SRRM4: variants seen among roughly 807,000 people sequenced by gnomAD.
SRRM4 encodes the protein serine/arginine repetitive matrix protein 4.
SRRM4 carries 33 observed loss-of-function variants against 68.9 expected under a neutral mutation model. That is an observed-to-expected ratio of 0.48 (90% confidence interval 0.36 to 0.64). SRRM4 has a LOEUF of 0.64. SRRM4 is among the 30% of genes least tolerant of loss of function. The pLI is 0.00. For missense variants in SRRM4, 817 were observed against 827.1 expected, an observed-to-expected ratio of 0.99 and a Z score of 0.15; for synonymous variants, 318 against 318.8, an observed-to-expected ratio of 1.00 and a Z score of 0.03.
At chr12:119,152,940 G>C (rs1023366109) in intron 10 of SRRM4, among the ~76,000 whole-genome samples, 1 of 152,166 alleles carries the variant, frequency 6.6e-6, no homozygotes, top group Admixed American at 6.5e-5. Context: ...ATTTGGCTTA[G>C]AGGCAAACAG....
intron 1 of SRRM4, among the ~76,000 whole-genome samples, chr12:119,063,548 C>T (rs996370654): frequency 6.3e-4 from 96 of 152,146 alleles, no homozygotes; most frequent in African/African-American, 1.9e-3. Context: ...ACATCAATTA[C>T]GTCCACACTT....
chr12:119,090,430 T>C (rs1954007921), intron 1 of SRRM4, among the ~76,000 whole-genome samples: 1 of 152,022 alleles, frequency 6.6e-6, no homozygotes, highest in Non-Finnish European at 1.5e-5. Flanking sequence ...CTCAGCCTGA[T>C]CCTAAGGGGA....
intron 7 of SRRM4, among the ~76,000 whole-genome samples, chr12:119,127,949 G>C (rs1954271657): frequency 6.6e-6 from 1 of 152,064 alleles, no homozygotes; most frequent in South Asian, 2.1e-4. Flanking sequence ...TCAATCACTT[G>C]GGAAGTTTTA....
At chr12:119,125,040 A>G (rs1954247737) in intron 6 of SRRM4, among the ~76,000 whole-genome samples, 1 of 152,054 alleles carries the variant, frequency 6.6e-6, no homozygotes, top group Non-Finnish European at 1.5e-5. Context: ...AAGCTCTGTG[A>G]CGTTGAGGCG....
chr12:119,048,199 G>GATA (rs1186040443), intron 1 of SRRM4, among the ~76,000 whole-genome samples: 3 of 152,198 alleles, frequency 2.0e-5, no homozygotes, highest in Admixed American at 1.3e-4. Context: ...ATCTCAGGGT[G>GATA]ATAATGCAGC....
At chr12:118,988,070 A>G (rs1261301864) in intron 1 of SRRM4, among the ~76,000 whole-genome samples, 1 of 152,118 alleles carries the variant, frequency 6.6e-6, no homozygotes, top group Non-Finnish European at 1.5e-5. Context: ...TTGAAACTGT[A>G]AAACATATTA....
rs535139926 is a variant in SRRM4, at chr12:119,047,929, C to T, written c.132-54307C>T. On this transcript the variant is annotated intron_variant, in intron 1 of 12. Coordinates refer to ENST00000267260, the MANE Select transcript of SRRM4 (RefSeq NM_194286.4). ...GAAGACACATGACAAGGAAGCAGAA[C>T]AGAGAACCATAATGCAACCTGCTAC... Among the ~76,000 whole-genome samples, 5 of 152,320 alleles carry T rather than the reference C, an allele frequency of 3.3e-5. No homozygotes were observed. In the South Asian group the frequency reaches 8.3e-4, roughly 25 times the overall value.
intron 8 of SRRM4, among the ~76,000 whole-genome samples, chr12:119,141,072 G>T (rs1214615213): frequency 6.6e-6 from 1 of 152,192 alleles, no homozygotes; most frequent in African/African-American, 2.4e-5. Context: ...CTCCCAACTA[G>T]CTAGGACTAC....
At chr12:119,058,410 G>T (rs1953790281) in intron 1 of SRRM4, among the ~76,000 whole-genome samples, 1 of 152,184 alleles carries the variant, frequency 6.6e-6, no homozygotes, top group Admixed American at 6.5e-5. Context: ...TATTCCCTGA[G>T]ACTGATGGGA....
chr12:119,029,992 G>A (rs1741175431), intron 1 of SRRM4, among the ~76,000 whole-genome samples: 1 of 152,162 alleles, frequency 6.6e-6, no homozygotes. Context: ...TGGAGTCTGA[G>A]AGAGAAAATC....
rs529536256 is a variant in SRRM4 at position 119,074,780 on chromosome 12, A to G, written c.132-27456A>G. ...ATAGAAGCCACTTGTCTAGGGGCTT[A>G]GGAGATTATTTAAAAGCCCTATGCA... On this transcript the variant is annotated intron_variant, in intron 1 of 12. Transcript: ENST00000267260. Among the ~76,000 whole-genome samples, 4 of 152,344 alleles carry G rather than the reference A, an allele frequency of 2.6e-5. No individual in the cohort carries two copies. The South Asian group carries it at 6.2e-4, about 24-fold the overall frequency.
chr12:119,082,714 T>A (rs1282292007), intron 1 of SRRM4, among the ~76,000 whole-genome samples: 1 of 152,176 alleles, frequency 6.6e-6, no homozygotes, highest in Non-Finnish European at 1.5e-5. Context: ...GGGAAGCAGT[T>A]CTGGCAGAGT....
chr12:119,002,801 G>A (rs1336305935), intron 1 of SRRM4, among the ~76,000 whole-genome samples: 4 of 152,000 alleles, frequency 2.6e-5, no homozygotes, highest in Admixed American at 2.0e-4. Context: ...TAAGTATGAG[G>A]AGAGTGACTT....
At chr12:119,037,489 A>T (rs527635319) in intron 1 of SRRM4, among the ~76,000 whole-genome samples, 1 of 152,286 alleles carries the variant, frequency 6.6e-6, no homozygotes, top group East Asian at 1.9e-4. Context: ...ATCACATTAT[A>T]GTCTGGATGA....
chr12:119,078,300 G>C (rs1323695644), intron 1 of SRRM4, among the ~76,000 whole-genome samples: 1 of 152,112 alleles, frequency 6.6e-6, no homozygotes, highest in Non-Finnish European at 1.5e-5. Flanking sequence ...ACTTATCATG[G>C]GGCAGAGATA....
At chr12:119,000,990 C>G (rs988068263) in intron 1 of SRRM4, 16 of 151,822 alleles carry the variant, frequency 1.1e-4, no homozygotes, top group African/African-American at 3.1e-4. Context: ...AGCAGAATAG[C>G]GCCATCTTGG....
chr12:119,047,333 AT>A (rs558907202), intron 1 of SRRM4, among the ~76,000 whole-genome samples: 1,736 of 151,770 alleles, frequency 0.011, 44 homozygotes, highest in African/African-American at 0.04. Context: ...TAACTTTAAA[AT>A]TTTTTTTTAA....
At chr12:119,126,658 G>A (rs1226725923) in intron 7 of SRRM4, among the ~76,000 whole-genome samples, 4 of 152,194 alleles carry the variant, frequency 2.6e-5, no homozygotes, top group African/African-American at 7.2e-5. Flanking sequence ...AACCTGAGAA[G>A]GCATCTTGTT....
chr12:119,000,742 A>C (rs572214298), intron 1 of SRRM4: 3 of 151,518 alleles, frequency 2.0e-5, no homozygotes, highest in African/African-American at 7.3e-5. Flanking sequence ...CTCAAGAAAC[A>C]GCTAGAAAGG....
Sources: gnomAD v4.1 joint callset for allele counts (sites outside exome capture counted in the v4.1 genomes callset) on GRCh38, gnomAD v4.1.1 for gene constraint, MANE v1.5 for transcripts, NCBI Gene and HGNC (gene_info 2026-07-23, HGNC 2026-07-21) for gene names.